Variants in OLFML2A observed in about 807,000 individuals in gnomAD.
OLFML2A encodes olfactomedin-like protein 2A.
OLFML2A carries 47 observed loss-of-function variants against 60.9 expected under a neutral mutation model. That is an observed-to-expected ratio of 0.77 (90% CI 0.61 to 0.98). OLFML2A has a LOEUF of 0.98. OLFML2A is among the 50% of genes least tolerant of loss of function. OLFML2A has a pLI of 0.00. For synonymous variants in OLFML2A, 372 were observed against 375.0 expected (o/e 0.99, Z 0.09); for missense variants, 922 against 879.8 (o/e 1.05, Z -0.61).
At chr9:124,791,135 A>T (rs1413345989) in intron 2 of OLFML2A, among the ~76,000 whole-genome samples, 1 of 152,182 alleles carries the variant, frequency 6.6e-6, no homozygotes, top group Non-Finnish European at 1.5e-5. Context: ...ATGATCAGGG[A>T]CTGTGGCCAA....
In OLFML2A at chr9:124,807,089, A is replaced by T. The variant is rs78929066; in HGVS notation, c.1169-692A>T. 1.6e-3 allele frequency among the ~76,000 whole-genome samples: 226 copies of T among 142,480 alleles called. 2 individuals carry two copies. The highest frequency in any genetic ancestry group is 3.8e-3 in the Middle Eastern group (1 of 262). 93.5% of individuals were successfully genotyped at this position (142,480 alleles called of 152,430 possible). ...CCACTATGCTCAGCTAATTAAAAAA[A>T]TTTTTTTTTTTTTTTGTAGAGAGAA... On this transcript the variant is annotated intron_variant, in intron 6 of 7. Transcript: ENST00000373580.
At chr9:124,792,611 C>T (rs779524682) in intron 2 of OLFML2A, among the ~76,000 whole-genome samples, 21 of 152,172 alleles carry the variant, frequency 1.4e-4, no homozygotes, top group African/African-American at 5.1e-4. Flanking sequence ...TGAGAAGCCA[C>T]ATGTGGGCAG....
chr9:124,804,162 G>A lies in OLFML2A; in HGVS notation c.988G>A (p.Ala330Thr), dbSNP rs151286261. 1.1e-5 allele frequency: 17 copies of A among 1,613,648 alleles called. No individual in the cohort carries two copies. The highest frequency in any genetic ancestry group is 1.6e-4 in the Middle Eastern group (1 of 6,084). The part of the protein sequence containing the change: ...PPKVEGRSNS[A>T]EPNSAEQDEA... ...CAAGGTGGAGGGCAGGTCCAACTCC[G>A]CAGAGCCCAACTCCGCAGAGCAGGA... The change falls in exon 6 of 8, where the codon GCA becomes ACA. Residue 330 changes from alanine (A) to threonine (T), a missense_variant. Coordinates refer to ENST00000373580, the MANE Select transcript of OLFML2A (RefSeq NM_182487.4).
At chr9:124,780,399 A>G (rs1201843433) in intron 1 of OLFML2A, among the ~76,000 whole-genome samples, 1 of 152,216 alleles carries the variant, frequency 6.6e-6, no homozygotes, top group Non-Finnish European at 1.5e-5. Context: ...CAGGGGCCCA[A>G]GGACAGAGGG....
At chr9:124,802,603 A>G (rs1175819597) in intron 5 of OLFML2A, among the ~76,000 whole-genome samples, 1 of 152,174 alleles carries the variant, frequency 6.6e-6, no homozygotes, top group Admixed American at 6.5e-5. Context: ...CTGCCTAAGA[A>G]CAGCTGCAGG....
rs79134766 is a variant in OLFML2A at position 124,799,444 on chromosome 9, G to T, written c.622G>T (p.Ala208Ser). Residue 208 changes from alanine to serine, a missense_variant, in exon 4 of 8, where the codon GCC becomes TCC. By Grantham distance (99) the Ala-to-Ser change is moderately conservative. Coordinates refer to ENST00000373580, the MANE Select transcript of OLFML2A (RefSeq NM_182487.4). ...LGLQLLQKDA[A>S]AAPATPATGT... ...CCTCCAGCTGCTGCAGAAGGATGCC[G>T]CCGCCGCCCCTGCCACCCCTGCCAC... The T allele has an allele frequency of 1.2e-5, 20 of 1,608,428 alleles. No individual in the cohort carries two copies. The highest frequency in any genetic ancestry group is 1.6e-5 in the Non-Finnish European group (19 of 1,178,398).
At chr9:124,800,241 C>G (rs1303423131) in intron 4 of OLFML2A, among the ~76,000 whole-genome samples, 1 of 152,224 alleles carries the variant, frequency 6.6e-6, no homozygotes, top group Non-Finnish European at 1.5e-5. Context: ...TGGATTCAAC[C>G]CCATTCAGGC....
At chr9:124,807,089 ATT>A (rs151131740) in intron 6 of OLFML2A, among the ~76,000 whole-genome samples, 1 of 142,398 alleles carries the variant, frequency 7.0e-6, no homozygotes. Flanking sequence ...AATTAAAAAA[ATT>A]TTTTTTTTTT....
intron 6 of OLFML2A, among the ~76,000 whole-genome samples, chr9:124,807,400 CA>C: frequency 6.6e-6 from 1 of 151,482 alleles, no homozygotes; most frequent in Admixed American, 6.6e-5. Context: ...TCTCCTGTCT[CA>C]GCTTCCTGAG....
At position 124,786,850 on chromosome 9, in the gene OLFML2A, C is replaced by T. The variant is rs1001103368; in HGVS notation, c.91-125C>T. 4 of 893,836 alleles carry T rather than the reference C, an allele frequency of 4.5e-6. No homozygotes were observed. The African/African-American group carries it at 6.6e-5, about 15-fold the overall frequency. 55.4% of individuals were successfully genotyped at this position (893,836 alleles called of 1,614,324 possible). A position where few individuals can be genotyped will look rare whatever the true frequency, so the allele number is the denominator to read the frequency against. On this transcript the variant is annotated intron_variant, in intron 1 of 7. Transcript: ENST00000373580. ...TCACCACCTCTAATTGCACCCCCTC[C>T]TACCTGCCAAACACTCTCATCCCAA...
At position 124,810,350 on chromosome 9, in the gene OLFML2A, C is replaced by A. The variant is rs773859088; in HGVS notation, c.1897C>A (p.Arg633=). 2 of 1,603,700 alleles carry A rather than the reference C, an allele frequency of 1.2e-6. No individual in the cohort carries two copies. The highest frequency in any genetic ancestry group is 2.7e-5 in the African/African-American group (2 of 74,924). The change falls in exon 8 of 8, where the codon CGG becomes AGG. Residue 633 remains arginine (R), a synonymous_variant. Transcript: ENST00000373580. ...TTQIDYNPKE[R]VLYAWDNGHQ... is the part of the protein sequence containing the mutation. Reference sequence around the variant, plus strand: ...CCAGATCGACTACAACCCCAAGGAGCGGGTGCTGTACGCCTGGGACAATGG... The same window carrying A: ...CCAGATCGACTACAACCCCAAGGAGAGGGTGCTGTACGCCTGGGACAATGG...
At position 124,807,861 on chromosome 9, in the gene OLFML2A, G is replaced by A; in HGVS notation, c.1249G>A (p.Ala417Thr). 1 of 1,614,130 alleles carries A rather than the reference G, an allele frequency of 6.2e-7. No individual in the cohort carries two copies. The highest frequency in any genetic ancestry group is 8.5e-7 in the Non-Finnish European group (1 of 1,180,002). Residue 417 changes from alanine (A) to threonine (T), a missense_variant, in exon 7 of 8, where the codon GCC becomes ACC. Physicochemically the swap from Ala to Thr is moderately conservative, Grantham distance 58. Transcript: ENST00000373580. ...CCACAGCTATGGGCGCCACGAGGGA[G>A]CCTGGATGAAGGACCCTGCAGCTCG... ...RHHSYGRHEG[A>T]WMKDPAARDD...
At chr9:124,809,695 A>G in intron 7 of OLFML2A, 113 bp from the exon 8 acceptor site, 1 of 1,253,898 alleles carries the variant, frequency 8.0e-7, no homozygotes, top group East Asian at 2.4e-5. Flanking sequence ...CACACTGCAC[A>G]TGCTTGGTAT....
rs1204125628 is a variant in OLFML2A at position 124,807,764 on chromosome 9, T to C, written c.1169-17T>C. On this transcript the variant is annotated splice_polypyrimidine_tract_variant and intron_variant, in intron 6 of 7. Transcript: ENST00000373580. ...TGGGGGTCTGTGTACCGATGCTGCC[T>C]GCCCTCCTCCCCACAGGCAGAGAGG... The C allele has an allele frequency of 3.1e-6, 5 of 1,601,814 alleles. No homozygotes were observed. In the South Asian group the frequency reaches 4.4e-5, roughly 14 times the overall value.
At position 124,801,034 on chromosome 9, in the gene OLFML2A, A is replaced by G. The variant is rs1841763881; in HGVS notation, c.670-380A>G. On this transcript the variant is annotated intron_variant, in intron 4 of 7. Coordinates refer to ENST00000373580, the MANE Select transcript of OLFML2A (RefSeq NM_182487.4). ...GTGCCTAAGAACCTCTCCCCTGCCC[A>G]CGTACTAAGACCAATGAGTAAGAGA... 7 of 1,551,538 alleles carry G rather than the reference A, an allele frequency of 4.5e-6. No individual in the cohort carries two copies. The East Asian group carries it at 1.5e-4, about 33-fold the overall frequency.
Position 124,809,797 on chromosome 9 carries a change from C to A in OLFML2A, c.1355-11C>A. The A allele has an allele frequency of 1.3e-6, 2 of 1,584,690 alleles. No individual in the cohort carries two copies. Among genetic ancestry groups the A allele is most frequent in the South Asian group, 2.3e-5 (2 of 85,606 alleles). On this transcript the variant is annotated splice_polypyrimidine_tract_variant and intron_variant, in intron 7 of 7. Transcript: ENST00000373580. ...CGGGAGGTCTGGGGTGACCATCGCC[C>A]TCGCCTGCAGGCCGCTGGAGTAACA...
intron 2 of OLFML2A, 53 bp from the exon 3 acceptor site, chr9:124,794,971 C>A: frequency 9.0e-7 from 1 of 1,105,536 alleles, no homozygotes; most frequent in South Asian, 1.4e-5. Flanking sequence ...CCCTCTGTGT[C>A]TGGCCGGCCA....
chr9:124,801,407 C>T lies in OLFML2A; in HGVS notation c.670-7C>T. ...CCTTCAAGTCTGAGACTTCTCTTCCCTCCCAGGACACAGCTAGAGGAAAAG... is the reference window on the plus strand; with the variant it reads ...CCTTCAAGTCTGAGACTTCTCTTCCTTCCCAGGACACAGCTAGAGGAAAAG... On this transcript the variant is annotated splice_polypyrimidine_tract_variant and splice_region_variant and intron_variant, in intron 4 of 7. Coordinates refer to ENST00000373580, the MANE Select transcript of OLFML2A (RefSeq NM_182487.4). The T allele has an allele frequency of 1.2e-6, 2 of 1,613,804 alleles. No individual in the cohort carries two copies. Among genetic ancestry groups the T allele is most frequent in the Non-Finnish European group, 1.7e-6 (2 of 1,179,814 alleles).
rs753067335 is a variant in OLFML2A, at chr9:124,804,235, C to T, written c.1061C>T (p.Thr354Ile). ...SSERVDLASG[T>I]PTSIPATTTT... ...GAGCGAGTGGACCTGGCTTCTGGCA[C>T]CCCCACTTCAATCCCTGCCACCACC... is the stretch of plus-strand genomic sequence containing the variant. Residue 354 changes from threonine to isoleucine, a missense_variant, in exon 6 of 8, where the codon ACC (threonine) becomes ATC (isoleucine). By Grantham distance (89) the Thr-to-Ile change is moderately conservative. Coordinates refer to ENST00000373580, the MANE Select transcript of OLFML2A (RefSeq NM_182487.4). 6 of 1,613,578 alleles carry T rather than the reference C, an allele frequency of 3.7e-6. No homozygotes were observed. Among genetic ancestry groups the T allele is most frequent in the South Asian group, 2.2e-5 (2 of 91,042 alleles).
Sources: allele counts gnomAD v4.1 joint callset (sites outside exome capture counted in the v4.1 genomes callset), GRCh38; gene constraint gnomAD v4.1.1; transcripts MANE v1.5; gene names NCBI Gene and HGNC (gene_info 2026-07-23, HGNC 2026-07-21).